SUMF1: variants seen among roughly 807,000 people sequenced by gnomAD.
SUMF1 encodes the protein formylglycine-generating enzyme.
Under a neutral mutation model 47.6 loss-of-function variants are expected in SUMF1, and 48 were observed. That is an observed-to-expected ratio of 1.01 (90% CI 0.80 to 1.28). SUMF1 has a LOEUF of 1.28. Among genes scored for constraint, SUMF1 ranks in the 50% most tolerant of loss-of-function variants. The pLI is 0.00. For missense variants in SUMF1, 571 were observed against 485.4 expected (o/e 1.18, Z -1.66); for synonymous variants, 230 against 192.1 (o/e 1.20, Z -1.63).
At chr3:4,429,430 T>C (rs1338071042) in intron 3 of SUMF1, among the ~76,000 whole-genome samples, 1 of 152,196 alleles carries the variant, frequency 6.6e-6, no homozygotes, top group African/African-American at 2.4e-5. Flanking sequence ...TTCTATGTTA[T>C]TTTTTCACGC....
chr3:4,261,701 C>G (rs1261298396), intron 8 of SUMF1, among the ~76,000 whole-genome samples: 1 of 152,162 alleles, frequency 6.6e-6, no homozygotes, highest in African/African-American at 2.4e-5. Flanking sequence ...GACATCAGAT[C>G]TCAAGCCTGC....
At chr3:4,242,264 T>G (rs573998036) in intron 8 of SUMF1, among the ~76,000 whole-genome samples, 1 of 152,312 alleles carries the variant, frequency 6.6e-6, no homozygotes, top group African/African-American at 2.4e-5. Context: ...GAATACACTT[T>G]ATTTCTTTCT....
At chr3:4,080,082 G>C (rs957403497) in intron 8 of SUMF1, among the ~76,000 whole-genome samples, 7 of 151,884 alleles carry the variant, frequency 4.6e-5, no homozygotes, top group Non-Finnish European at 1.0e-4. Context: ...GTATTTCCAG[G>C]GGGTGAGGAA....
chr3:4,240,745 C>A (rs998177853), intron 8 of SUMF1, among the ~76,000 whole-genome samples: 1 of 151,722 alleles, frequency 6.6e-6, no homozygotes, highest in Non-Finnish European at 1.5e-5. Flanking sequence ...ATATTTTTTA[C>A]TTTCCTGGAA....
chr3:4,416,093 C>T (rs1701702419), intron 6 of SUMF1, among the ~76,000 whole-genome samples: 1 of 152,068 alleles, frequency 6.6e-6, no homozygotes, highest in Non-Finnish European at 1.5e-5. Flanking sequence ...TATGATTATG[C>T]CAGCAAAAGA....
At chr3:4,403,305 G>A (rs1701273851) in intron 7 of SUMF1, among the ~76,000 whole-genome samples, 1 of 152,126 alleles carries the variant, frequency 6.6e-6, no homozygotes, top group Admixed American at 6.6e-5. Flanking sequence ...CTTAACTGCG[G>A]ATGTAATCTG....
intron 8 of SUMF1, among the ~76,000 whole-genome samples, chr3:4,074,532 A>G (rs1422843305): frequency 6.6e-6 from 1 of 152,168 alleles, no homozygotes; most frequent in African/African-American, 2.4e-5. Context: ...AAACCCTTCA[A>G]AAAATCAATG....
intron 8 of SUMF1, among the ~76,000 whole-genome samples, chr3:4,156,425 G>T (rs1365114855): frequency 6.6e-6 from 1 of 151,552 alleles, no homozygotes. Flanking sequence ...GAGAGCAGGG[G>T]TTTTCTGGTT....
chr3:4,244,708 C>A (rs749252974), intron 8 of SUMF1, among the ~76,000 whole-genome samples: 2 of 152,076 alleles, frequency 1.3e-5, no homozygotes, highest in Non-Finnish European at 2.9e-5. Context: ...TCATTTCAAC[C>A]TTGGTGAATC....
chr3:4,349,946 G>T (rs1699453944), intron 8 of SUMF1, among the ~76,000 whole-genome samples: 1 of 143,840 alleles, frequency 7.0e-6, no homozygotes, highest in East Asian at 2.0e-4. Flanking sequence ...CATGCATCCG[G>T]TTTTTTTTTT....
chr3:4,192,873 G>A (rs1485251), intron 8 of SUMF1, among the ~76,000 whole-genome samples: 50,818 of 151,930 alleles, frequency 0.33, 9,143 homozygotes, highest in Non-Finnish European at 0.42. Context: ...TTGGTGGATA[G>A]ATCAACGTGT....
Position 4,380,635 on chromosome 3 carries a change from G to A in SUMF1, c.955-4246C>T, listed in dbSNP as rs146901367. On this transcript the variant is annotated intron_variant, in intron 7 of 8. Transcript: ENST00000272902. ...AAAACATATGGAACATAGGGACTCCGCCTACAACCAGGCAGGAACCATCGT... is the reference window on the plus strand; with the variant it reads ...AAAACATATGGAACATAGGGACTCCACCTACAACCAGGCAGGAACCATCGT... Among the ~76,000 whole-genome samples, 872 of 152,212 alleles carry A rather than the reference G, an allele frequency of 5.7e-3. 2 individuals carry two copies. The highest frequency in any genetic ancestry group is 0.041 in the Middle Eastern group (12 of 292).
At chr3:4,255,689 A>T (rs1304118180) in intron 8 of SUMF1, among the ~76,000 whole-genome samples, 1 of 139,948 alleles carries the variant, frequency 7.1e-6, no homozygotes, top group Admixed American at 7.1e-5. Flanking sequence ...CCCCATTGTC[A>T]ACATTAGACA....
At chr3:4,239,339 C>A (rs1342605666) in intron 8 of SUMF1, among the ~76,000 whole-genome samples, 2 of 152,108 alleles carry the variant, frequency 1.3e-5, no homozygotes, top group African/African-American at 4.8e-5. Flanking sequence ...ACGGGGATAG[C>A]ATTGAATCTA....
chr3:4,099,863 C>G (rs3913295), intron 8 of SUMF1, among the ~76,000 whole-genome samples: 17,748 of 149,020 alleles, frequency 0.12, 2,070 homozygotes, highest in African/African-American at 0.28. Flanking sequence ...GCAATAGCAT[C>G]AAAAAAAATA....
downstream of SUMF1, among the ~76,000 whole-genome samples, chr3:4,359,566 G>C (rs1286184193): frequency 6.6e-6 from 1 of 152,166 alleles, no homozygotes; most frequent in Admixed American, 6.5e-5. Flanking sequence ...AGGTTTAATT[G>C]ACTCACAGTT....
At chr3:4,229,227 C>T in intron 8 of SUMF1, 1 of 272,610 alleles carries the variant, frequency 3.7e-6, no homozygotes, top group Non-Finnish European at 7.2e-6. Context: ...AAGCATCCTT[C>T]CCTGGTTGTC....
At chr3:4,089,108 G>A (rs1692730717) in intron 8 of SUMF1, among the ~76,000 whole-genome samples, 1 of 152,076 alleles carries the variant, frequency 6.6e-6, no homozygotes, top group South Asian at 2.1e-4. Flanking sequence ...CTAATAACAT[G>A]AAGTGCAGAT....
At chr3:4,403,376 G>C (rs1701275918) in intron 7 of SUMF1, among the ~76,000 whole-genome samples, 2 of 152,092 alleles carry the variant, frequency 1.3e-5, no homozygotes, top group African/African-American at 4.8e-5. Flanking sequence ...GCATCTATCA[G>C]ACAACATCTA....
Sources: allele counts gnomAD v4.1 joint callset (sites outside exome capture counted in the v4.1 genomes callset), GRCh38; gene constraint gnomAD v4.1.1; transcripts MANE v1.5; gene names NCBI Gene and HGNC (gene_info 2026-07-23, HGNC 2026-07-21).